Variants in MBTD1 observed in about 807,000 individuals in gnomAD.
The protein encoded by MBTD1 is mbt domain containing 1.
Under a neutral mutation model 87.8 loss-of-function variants are expected in MBTD1, and 24 were observed. The ratio of observed to expected loss-of-function variants is 0.27; its 90% confidence interval spans 0.20 to 0.38. The LOEUF is 0.38. Among genes scored for constraint, MBTD1 ranks in the 10% least tolerant of loss-of-function variants. MBTD1 has a pLI of 1.00. For missense variants in MBTD1, 436 were observed against 760.2 expected, an observed-to-expected ratio of 0.57 and a Z score of 5.02; for synonymous variants, 237 against 248.6, an observed-to-expected ratio of 0.95 and a Z score of 0.44.
chr17:51,212,460 A>G (rs2052301125), intron 6 of MBTD1, among the ~76,000 whole-genome samples: 1 of 148,964 alleles, frequency 6.7e-6, no homozygotes, highest in South Asian at 2.1e-4. Context: ...TTTTTGGTAC[A>G]AACTACAACT....
At position 51,254,665 on chromosome 17, in the gene MBTD1, C is replaced by T. The variant is rs553605524; in HGVS notation, c.-49+4478G>A. Among the ~76,000 whole-genome samples, 20 of 152,288 alleles carry T rather than the reference C, an allele frequency of 1.3e-4. No individual in the cohort carries two copies. The South Asian group carries it at 3.1e-3, about 24-fold the overall frequency. On this transcript the variant is annotated intron_variant, in intron 2 of 16. Coordinates refer to ENST00000586178, the MANE Select transcript of MBTD1 (RefSeq NM_017643.3). Reference sequence around the variant, plus strand: ...GTTATGACTTCGGATGTAACAATTACTTGGGTCTCAGTTTCCCTCTCTTCT... The same window carrying T: ...GTTATGACTTCGGATGTAACAATTATTTGGGTCTCAGTTTCCCTCTCTTCT...
At position 51,246,886 on chromosome 17, in the gene MBTD1, C is replaced by T. The variant is rs1371175261; in HGVS notation, c.-49+12257G>A. On this transcript the variant is annotated intron_variant, in intron 2 of 16. Coordinates refer to ENST00000586178, the MANE Select transcript of MBTD1 (RefSeq NM_017643.3). ...AACTCCTGACCTCAGGTGATCCGCC[C>T]GCCTCAGCCTCCCAAAGTGCTGGGA... Among the ~76,000 whole-genome samples the T allele has an allele frequency of 4.6e-5, 7 of 152,046 alleles. No individual in the cohort carries two copies. The East Asian group carries it at 5.8e-4, about 13-fold the overall frequency.
At chr17:51,225,333 TTTTC>T (rs1162723109) in intron 2 of MBTD1, 124 bp from the exon 3 acceptor site, 7 of 463,892 alleles carry the variant, frequency 1.5e-5, no homozygotes, top group Non-Finnish European at 2.2e-5. Flanking sequence ...GAAATAACCA[TTTTC>T]TTTCTTTTTT....
chr17:51,247,614 A>G (rs1038828398), intron 2 of MBTD1, among the ~76,000 whole-genome samples: 1 of 151,836 alleles, frequency 6.6e-6, no homozygotes, highest in Non-Finnish European at 1.5e-5. Flanking sequence ...GTGCTCAGCT[A>G]ATTTTTTAGT....
chr17:51,194,566 CAAAAAAAAAAAAAA>C (rs71355733), intron 13 of MBTD1, among the ~76,000 whole-genome samples: 1 of 19,752 alleles, frequency 5.1e-5, no homozygotes, highest in Non-Finnish European at 8.2e-5. Flanking sequence ...GAGACTGTCT[CAAAAAAAAAAAAAA>C]AAAAAAAAAA....
chr17:51,188,022 T>TAA (rs921087085), intron 16 of MBTD1, among the ~76,000 whole-genome samples: 41 of 152,296 alleles, frequency 2.7e-4, no homozygotes, highest in African/African-American at 8.9e-4. Context: ...TATTCCTATG[T>TAA]AAAATGATGT....
intron 2 of MBTD1, among the ~76,000 whole-genome samples, chr17:51,226,031 G>A (rs890885408): frequency 6.7e-5 from 10 of 149,592 alleles, no homozygotes; most frequent in African/African-American, 2.0e-4. Flanking sequence ...CGCCCACCTC[G>A]GCCTCCCAAA....
At chr17:51,190,770 T>TATATATAA (rs1360538089) in intron 16 of MBTD1, among the ~76,000 whole-genome samples, 21 of 111,966 alleles carry the variant, frequency 1.9e-4, no homozygotes, top group African/African-American at 7.0e-4. Flanking sequence ...TATATATATA[T>TATATATAA]AACCTTATCT....
At chr17:51,227,875 C>G (rs2053320221) in intron 2 of MBTD1, among the ~76,000 whole-genome samples, 1 of 151,530 alleles carries the variant, frequency 6.6e-6, no homozygotes, top group African/African-American at 2.4e-5. Context: ...TCGCTTGAAC[C>G]CAGGAGGCAG....
chr17:51,255,677 C>G (rs866826023), intron 2 of MBTD1, among the ~76,000 whole-genome samples: 1 of 151,210 alleles, frequency 6.6e-6, no homozygotes, highest in Non-Finnish European at 1.5e-5. Context: ...CTCACTTCAA[C>G]CTGGGTCTCC....
At chr17:51,185,821 T>C (rs1177573370) in intron 16 of MBTD1, 1 of 152,248 alleles carries the variant, frequency 6.6e-6, no homozygotes, top group Non-Finnish European at 1.5e-5. Flanking sequence ...AAGTATTTTA[T>C]AACAAAGTAA....
At chr17:51,242,973 A>G (rs1023147677) in intron 2 of MBTD1, among the ~76,000 whole-genome samples, 9 of 152,324 alleles carry the variant, frequency 5.9e-5, no homozygotes, top group Non-Finnish European at 1.3e-4. Flanking sequence ...TTATTCAACA[A>G]ATCTCTCGTT....
chr17:51,189,888 A>T (rs145358891), intron 16 of MBTD1, among the ~76,000 whole-genome samples: 1 of 152,150 alleles, frequency 6.6e-6, no homozygotes, highest in East Asian at 1.9e-4. Flanking sequence ...AATGCTCCCT[A>T]AAGTTCTTTT....
chr17:51,197,081 T>TGGAGG (rs2051168548), intron 12 of MBTD1, among the ~76,000 whole-genome samples: 6 of 20,076 alleles, frequency 3.0e-4, no homozygotes, highest in South Asian at 1.4e-3. Context: ...TATATATATA[T>TGGAGG]ATATATATAT....
chr17:51,225,508 T>A (rs1386296944), intron 2 of MBTD1, among the ~76,000 whole-genome samples: 1 of 149,702 alleles, frequency 6.7e-6, no homozygotes. Flanking sequence ...AGTGCCACCA[T>A]CCCATAAACA....
In MBTD1 at chr17:51,179,761, GT is replaced by G. The variant is rs2050240554; in HGVS notation, c.*814del. ...CAGAGAACTGATCAGAATCCCTTTC[GT>G]GGGGTATTTTTTTTAGAAAGGAAAA... On this transcript the variant is annotated 3_prime_UTR_variant, in exon 17 of 17. Transcript: ENST00000586178. The G allele has an allele frequency of 6.6e-6, 1 of 151,292 alleles. No individual in the cohort carries two copies. Among genetic ancestry groups the G allele is most frequent in the African/African-American group, 2.4e-5 (1 of 41,176 alleles). The allele number at this position is 151,292 out of a possible 1,614,324, so 9.4% of individuals were successfully genotyped here. A position where few individuals can be genotyped will look rare whatever the true frequency, so the allele number is the denominator to read the frequency against.
intron 16 of MBTD1, among the ~76,000 whole-genome samples, chr17:51,181,919 C>G (rs896080346): frequency 6.6e-6 from 1 of 152,172 alleles, no homozygotes; most frequent in Non-Finnish European, 1.5e-5. Context: ...GCCACAGCGC[C>G]TGGCTGTGTT....
At chr17:51,193,808 A>T (rs2050929958) in intron 13 of MBTD1, among the ~76,000 whole-genome samples, 1 of 152,154 alleles carries the variant, frequency 6.6e-6, no homozygotes, top group African/African-American at 2.4e-5. Context: ...TTTAGTAGAG[A>T]CAGGGTCTCC....
intron 6 of MBTD1, among the ~76,000 whole-genome samples, chr17:51,216,183 C>T (rs552135976): frequency 1.4e-3 from 209 of 152,214 alleles, no homozygotes; most frequent in African/African-American, 4.7e-3. Flanking sequence ...ATGCCTGCTT[C>T]GGCCTCCCAA....
Sources: allele counts gnomAD v4.1 joint callset (sites outside exome capture counted in the v4.1 genomes callset), GRCh38; gene constraint gnomAD v4.1.1; transcripts MANE v1.5; gene names NCBI Gene and HGNC (gene_info 2026-07-23, HGNC 2026-07-21).